GNAQ: variants seen among roughly 807,000 people sequenced by gnomAD.
GNAQ encodes the protein guanine nucleotide-binding protein G(q) subunit alpha.
In GNAQ, 8 loss-of-function variants were observed where a neutral mutation model predicts 43.9. That is an observed-to-expected ratio of 0.18 (90% CI 0.11 to 0.33). The LOEUF (loss-of-function observed/expected upper bound fraction) is 0.33. Among genes scored for constraint, GNAQ ranks in the 10% least tolerant of loss-of-function variants. The pLI is 1.00. For missense variants in GNAQ, 158 were observed against 450.8 expected, an observed-to-expected ratio of 0.35 and a Z score of 5.88; for synonymous variants, 155 against 170.7, an observed-to-expected ratio of 0.91 and a Z score of 0.71.
intron 2 of GNAQ, among the ~76,000 whole-genome samples, chr9:77,846,324 C>T (rs934865313): frequency 4.6e-5 from 7 of 152,180 alleles, no homozygotes; most frequent in Non-Finnish European, 5.9e-5. Flanking sequence ...GAGGGGCAAG[C>T]GCTTTCCGCC....
intron 1 of GNAQ, among the ~76,000 whole-genome samples, chr9:78,015,307 T>C (rs1039006833): frequency 2.0e-5 from 3 of 152,238 alleles, no homozygotes; most frequent in Non-Finnish European, 2.9e-5. Context: ...TCTAGATTTG[T>C]GTAAGTACAC....
At chr9:77,981,962 T>C (rs1263884134) in intron 1 of GNAQ, among the ~76,000 whole-genome samples, 1 of 152,200 alleles carries the variant, frequency 6.6e-6, no homozygotes, top group Non-Finnish European at 1.5e-5. Flanking sequence ...TTGATAGATT[T>C]GAGGAGGGTG....
chr9:77,763,348 A>G lies in GNAQ; in HGVS notation c.735+31115T>C, dbSNP rs559658334. Among the ~76,000 whole-genome samples the G allele has an allele frequency of 2.9e-3, 440 of 152,276 alleles. 2 individuals carry two copies. The highest frequency in any genetic ancestry group is 5.1e-3 in the Non-Finnish European group (346 of 68,008). On this transcript the variant is annotated intron_variant, in intron 5 of 6. Coordinates refer to ENST00000286548, the MANE Select transcript of GNAQ (RefSeq NM_002072.5). ...ATGATAATATTTTTTGTGTAAAGCT[A>G]GGTGTGGTGGCTCATGCCTGTAATC...
chr9:77,877,122 C>A (rs1306712273), intron 2 of GNAQ, among the ~76,000 whole-genome samples: 1 of 152,106 alleles, frequency 6.6e-6, no homozygotes, highest in Non-Finnish European at 1.5e-5. Flanking sequence ...TTAGAAAGTC[C>A]TACGAATGAA....
intron 2 of GNAQ, among the ~76,000 whole-genome samples, chr9:77,838,462 T>G (rs140614621): frequency 6.6e-6 from 1 of 152,038 alleles, no homozygotes; most frequent in Non-Finnish European, 1.5e-5. Context: ...AAGTAAAACG[T>G]TGTTGCTCAC....
intron 2 of GNAQ, among the ~76,000 whole-genome samples, chr9:77,890,623 T>C (rs555890319): frequency 9.2e-4 from 140 of 152,234 alleles, no homozygotes; most frequent in African/African-American, 3.0e-3. Context: ...CTTGGGAGGC[T>C]GAGGCAGGAG....
chr9:77,927,577 GA>G (rs903423482), intron 1 of GNAQ, among the ~76,000 whole-genome samples: 14 of 149,122 alleles, frequency 9.4e-5, no homozygotes, highest in Non-Finnish European at 1.5e-4. Context: ...TTACTCTGAA[GA>G]AAAAAAAGGG....
chr9:77,718,160 A>C lies in GNAQ; in HGVS notation c.*3163T>G, dbSNP rs566921143. 4.3e-6 allele frequency: 1 copy of C among 232,846 alleles called. No homozygotes were observed. The highest frequency in any genetic ancestry group is 8.5e-6 in the Non-Finnish European group (1 of 117,798). 14.4% of individuals were successfully genotyped at this position (232,846 alleles called of 1,614,324 possible). A position where few individuals can be genotyped will look rare whatever the true frequency, so the allele number is the denominator to read the frequency against. On this transcript the variant is annotated 3_prime_UTR_variant, in exon 7 of 7. Transcript: ENST00000286548. Reference sequence around the variant, plus strand: ...TCTGTGTTTTATGTTTTTGTTTTTGAATAAGACATGCCCAAGTCACCATAA... The same window carrying C: ...TCTGTGTTTTATGTTTTTGTTTTTGCATAAGACATGCCCAAGTCACCATAA...
chr9:77,821,839 A>G (rs997258622), intron 2 of GNAQ, among the ~76,000 whole-genome samples: 1 of 152,114 alleles, frequency 6.6e-6, no homozygotes, highest in Non-Finnish European at 1.5e-5. Context: ...TTGATTTAAA[A>G]AAATTGAAAA....
At chr9:77,900,986 A>G (rs1331105690) in intron 2 of GNAQ, among the ~76,000 whole-genome samples, 1 of 151,972 alleles carries the variant, frequency 6.6e-6, no homozygotes, top group African/African-American at 2.4e-5. Flanking sequence ...CAACAAACAC[A>G]CTCGGTTCTC....
intron 2 of GNAQ, among the ~76,000 whole-genome samples, chr9:77,863,275 A>C (rs1416834722): frequency 6.6e-6 from 1 of 151,898 alleles, no homozygotes; most frequent in Non-Finnish European, 1.5e-5. Context: ...TCCACCAGAT[A>C]CTCTAAATCA....
At chr9:77,977,783 C>T (rs1823322903) in intron 1 of GNAQ, among the ~76,000 whole-genome samples, 1 of 152,268 alleles carries the variant, frequency 6.6e-6, no homozygotes, top group African/African-American at 2.4e-5. Context: ...TTTCTTCTAT[C>T]TAAATACTTC....
intron 5 of GNAQ, among the ~76,000 whole-genome samples, chr9:77,760,567 C>G (rs1825983010): frequency 6.6e-6 from 1 of 152,172 alleles, no homozygotes; most frequent in Non-Finnish European, 1.5e-5. Context: ...CAACTTCCAC[C>G]TCCCAGCCGC....
intron 2 of GNAQ, among the ~76,000 whole-genome samples, chr9:77,915,348 C>T (rs1828882044): frequency 1.3e-5 from 2 of 150,616 alleles, no homozygotes; most frequent in African/African-American, 2.4e-5. Flanking sequence ...TATTTCTGTA[C>T]CTCTTTTAGT....
intron 2 of GNAQ, among the ~76,000 whole-genome samples, chr9:77,823,232 C>T (rs1011173747): frequency 1.3e-5 from 2 of 152,112 alleles, no homozygotes; most frequent in Admixed American, 1.3e-4. Context: ...AGCCACCACG[C>T]CTGGCCTAGA....
chr9:77,993,189 C>T (rs937619189), intron 1 of GNAQ, among the ~76,000 whole-genome samples: 2 of 152,116 alleles, frequency 1.3e-5, no homozygotes, highest in African/African-American at 4.8e-5. Flanking sequence ...TAAACCACAA[C>T]ATTTATGGTA....
At chr9:77,739,580 A>T (rs1256060714) in intron 5 of GNAQ, among the ~76,000 whole-genome samples, 1 of 152,222 alleles carries the variant, frequency 6.6e-6, no homozygotes, top group East Asian at 1.9e-4. Context: ...CTTAGAAAAC[A>T]GTTCTACTTT....
At chr9:77,738,793 A>G (rs1025931352) in intron 5 of GNAQ, among the ~76,000 whole-genome samples, 8 of 152,116 alleles carry the variant, frequency 5.3e-5, no homozygotes, top group Admixed American at 1.3e-4. Flanking sequence ...TGCAGCTACT[A>G]TATTAGTGCA....
At chr9:77,996,834 T>C (rs1249226353) in intron 1 of GNAQ, among the ~76,000 whole-genome samples, 1 of 152,206 alleles carries the variant, frequency 6.6e-6, no homozygotes, top group African/African-American at 2.4e-5. Context: ...GTCTACACTG[T>C]TCTGATCTCA....
Sources: gnomAD v4.1 joint callset for allele counts (sites outside exome capture counted in the v4.1 genomes callset) on GRCh38, gnomAD v4.1.1 for gene constraint, MANE v1.5 for transcripts, NCBI Gene and HGNC (gene_info 2026-07-23, HGNC 2026-07-21) for gene names.